The following ROBO1 variants were observed in gnomAD, a reference collection of about 807,000 sequenced individuals.
ROBO1 encodes the protein roundabout homolog 1.
In ROBO1, 149 loss-of-function variants were observed where a neutral mutation model predicts 195.9. The observed-to-expected ratio is 0.76, with a 90% confidence interval of 0.67 to 0.87. The LOEUF is 0.87. Among genes scored for constraint, ROBO1 ranks in the 40% least tolerant of loss-of-function variants. ROBO1 has a pLI of 0.00. For missense variants in ROBO1, 1,933 were observed against 2,068.3 expected, an observed-to-expected ratio of 0.93 and a Z score of 1.27; for synonymous variants, 816 against 733.2, an observed-to-expected ratio of 1.11 and a Z score of -1.82.
intron 2 of ROBO1, among the ~76,000 whole-genome samples, chr3:79,425,188 T>C (rs1346945165): frequency 6.6e-6 from 1 of 152,180 alleles, no homozygotes; most frequent in Non-Finnish European, 1.5e-5. Context: ...ATTTTATTCA[T>C]TTATTAAGAT....
intron 2 of ROBO1, among the ~76,000 whole-genome samples, chr3:79,368,513 G>A (rs1156762861): frequency 6.6e-6 from 1 of 151,992 alleles, no homozygotes; most frequent in Non-Finnish European, 1.5e-5. Flanking sequence ...TGGGAGCTCA[G>A]AGCTCCCAGC....
At chr3:79,669,158 C>T (rs1173376612) in intron 1 of ROBO1, among the ~76,000 whole-genome samples, 1 of 151,756 alleles carries the variant, frequency 6.6e-6, no homozygotes, top group Non-Finnish European at 1.5e-5. Flanking sequence ...GGGTCTTTCC[C>T]ATGCTGTTCT....
chr3:78,645,897 T>C (rs1706248197), intron 21 of ROBO1, among the ~76,000 whole-genome samples: 1 of 152,064 alleles, frequency 6.6e-6, no homozygotes, highest in Non-Finnish European at 1.5e-5. Context: ...ATTTGCTAAA[T>C]CAGCAAGTCT....
chr3:78,711,478 T>C, intron 8 of ROBO1, among the ~76,000 whole-genome samples: 1 of 145,342 alleles, frequency 6.9e-6, no homozygotes. Flanking sequence ...TCTCTCTTTC[T>C]CTCTCTCTCT....
At chr3:78,673,570 A>T (rs1479115408) in intron 10 of ROBO1, among the ~76,000 whole-genome samples, 2 of 37,628 alleles carry the variant, frequency 5.3e-5, no homozygotes, top group African/African-American at 2.0e-4. Flanking sequence ...TTTTATATAT[A>T]TATATATATA....
chr3:79,692,609 A>G (rs1947328696), intron 1 of ROBO1, among the ~76,000 whole-genome samples: 2 of 151,934 alleles, frequency 1.3e-5, no homozygotes, highest in East Asian at 3.9e-4. Flanking sequence ...AGTGGGTTCT[A>G]AAAAAGTCCA....
intron 3 of ROBO1, among the ~76,000 whole-genome samples, chr3:78,997,178 C>T (rs2077387530): frequency 6.6e-6 from 1 of 152,138 alleles, no homozygotes; most frequent in Non-Finnish European, 1.5e-5. Context: ...AGAGTTTTCT[C>T]CTTCCTCCAC....
intron 4 of ROBO1, among the ~76,000 whole-genome samples, chr3:78,823,876 G>C (rs1393595881): frequency 6.6e-6 from 1 of 150,404 alleles, no homozygotes. Context: ...TTTTGTCACT[G>C]TGTGTGTGTG....
At chr3:78,864,997 T>C (rs1454842211) in intron 4 of ROBO1, among the ~76,000 whole-genome samples, 2 of 152,176 alleles carry the variant, frequency 1.3e-5, no homozygotes, top group East Asian at 3.9e-4. Flanking sequence ...GGCAATATCT[T>C]TACTAAAACA....
chr3:79,019,367 G>A (rs2078046885), intron 3 of ROBO1: 2 of 985,804 alleles, frequency 2.0e-6, no homozygotes, highest in East Asian at 1.1e-4. Context: ...TGCTGCGGGT[G>A]GGAGAGACGG....
chr3:78,693,350 G>T, intron 8 of ROBO1: 1 of 1,548,390 alleles, frequency 6.5e-7, no homozygotes, highest in Non-Finnish European at 8.7e-7. Context: ...CAACTTACCA[G>T]ACCCAACTAA....
intron 2 of ROBO1, among the ~76,000 whole-genome samples, chr3:79,360,780 C>T (rs890152247): frequency 2.3e-4 from 35 of 152,050 alleles, no homozygotes; most frequent in Non-Finnish European, 4.3e-4. Context: ...ACAAAGCTGG[C>T]TCCATATTCC....
Position 79,433,821 on chromosome 3 carries a change from C to T in ROBO1, c.88+156003G>A, listed in dbSNP as rs144726205. 1.9e-3 allele frequency among the ~76,000 whole-genome samples: 288 copies of T among 152,206 alleles called. 3 individuals are homozygous for T. In the East Asian group the frequency reaches 0.021, roughly 11 times the overall value. On this transcript the variant is annotated intron_variant, in intron 2 of 30. Transcript: ENST00000464233. ...AAACTATACTACAAGGCTACAGTAA[C>T]CAAAACAGCATGGTACTGGTACCAA...
At chr3:79,750,043 G>A (rs892825977) in intron 1 of ROBO1, among the ~76,000 whole-genome samples, 1 of 152,222 alleles carries the variant, frequency 6.6e-6, no homozygotes, top group African/African-American at 2.4e-5. Flanking sequence ...AGCCAGGAGG[G>A]AGGCTGTACC....
intron 2 of ROBO1, among the ~76,000 whole-genome samples, chr3:79,203,267 A>G (rs1228340651): frequency 2.0e-5 from 3 of 152,176 alleles, no homozygotes; most frequent in African/African-American, 2.4e-5. Context: ...CAGTGGTTCT[A>G]TATCAAAGCC....
At chr3:79,716,244 T>C (rs1702480055) in intron 1 of ROBO1, among the ~76,000 whole-genome samples, 1 of 151,848 alleles carries the variant, frequency 6.6e-6, no homozygotes, top group African/African-American at 2.4e-5. Context: ...TTATAGGAAA[T>C]AAGAATATTA....
intron 3 of ROBO1, among the ~76,000 whole-genome samples, chr3:79,041,512 C>T (rs76540350): frequency 1.0e-3 from 152 of 151,618 alleles, no homozygotes; most frequent in African/African-American, 3.4e-3. Flanking sequence ...ATGTTCTTTA[C>T]GGGTCTATGC....
chr3:78,612,095 T>C (rs1002846809), intron 28 of ROBO1, among the ~76,000 whole-genome samples: 6 of 152,198 alleles, frequency 3.9e-5, no homozygotes, highest in African/African-American at 4.8e-5. Flanking sequence ...CCACTCTTTA[T>C]CCTTCTTTAT....
chr3:78,944,677 G>C (rs1031506007), intron 3 of ROBO1, among the ~76,000 whole-genome samples: 1 of 152,244 alleles, frequency 6.6e-6, no homozygotes, highest in Admixed American at 6.5e-5. Flanking sequence ...AGGACAGTGG[G>C]TGCAGCGCAC....
Sources: allele counts gnomAD v4.1 joint callset (sites outside exome capture counted in the v4.1 genomes callset), GRCh38; gene constraint gnomAD v4.1.1; transcripts MANE v1.5; gene names NCBI Gene and HGNC (gene_info 2026-07-23, HGNC 2026-07-21).